Variants in ZNF385D observed in about 807,000 individuals in gnomAD.
ZNF385D encodes the protein zinc finger protein 385D, also known as zinc finger protein 659.
In ZNF385D, 15 loss-of-function variants were observed where a neutral mutation model predicts 35.8. The observed-to-expected ratio is 0.42, with a 90% CI of 0.28 to 0.64. The LOEUF (loss-of-function observed/expected upper bound fraction) is 0.64, where lower values mean the gene tolerates loss of function less well. Among genes scored for constraint, ZNF385D ranks in the 30% least tolerant of loss-of-function variants. The pLI, the probability that ZNF385D is intolerant of heterozygous loss-of-function variation, is 0.23. For synonymous variants in ZNF385D, 212 were observed against 186.8 expected (o/e 1.13, Z -1.10); for missense variants, 474 against 494.6 (o/e 0.96, Z 0.39).
chr3:21,955,883 A>C (rs1017384555), intron 3 of ZNF385D, among the ~76,000 whole-genome samples: 1 of 152,124 alleles, frequency 6.6e-6, no homozygotes, highest in South Asian at 2.1e-4. Flanking sequence ...TTTCACAAGT[A>C]GGTAAGAACC....
At chr3:21,587,351 A>G (rs2063841488) in intron 2 of ZNF385D, among the ~76,000 whole-genome samples, 1 of 152,188 alleles carries the variant, frequency 6.6e-6, no homozygotes, top group Non-Finnish European at 1.5e-5. Flanking sequence ...GACATAATTC[A>G]GCCTGTAGCA....
At chr3:21,722,261 A>C (rs891956549) in intron 1 of ZNF385D, among the ~76,000 whole-genome samples, 1 of 152,190 alleles carries the variant, frequency 6.6e-6, no homozygotes, top group Non-Finnish European at 1.5e-5. Flanking sequence ...CCTGTGGTTG[A>C]GTAAAATAGC....
At chr3:21,494,242 A>G (rs1456664393) in intron 4 of ZNF385D, among the ~76,000 whole-genome samples, 2 of 152,160 alleles carry the variant, frequency 1.3e-5, no homozygotes, top group South Asian at 2.1e-4. Flanking sequence ...CCTTGACCTT[A>G]TCTTCTCTTA....
chr3:21,629,865 T>C (rs1419470839), intron 2 of ZNF385D, among the ~76,000 whole-genome samples: 3 of 152,134 alleles, frequency 2.0e-5, no homozygotes, highest in African/African-American at 4.8e-5. Context: ...TTAATGGAAT[T>C]GTATTCTGAC....
In ZNF385D at chr3:21,767,678, TGGGG is replaced by T. The variant is rs138345139; in HGVS notation, c.326-102654_326-102651del. 3.7e-3 allele frequency among the ~76,000 whole-genome samples: 560 copies of T among 150,966 alleles called. 7 individuals carry two copies. Among genetic ancestry groups the T allele is most frequent in the African/African-American group, 0.013 (523 of 41,064 alleles). On this transcript the variant is annotated intron_variant, in intron 3 of 5. Transcript: ENST00000494108. ...GTGGTGAATGGGAAGAGAGTTAAGG[TGGGG>T]GGTGGGAGAGGAAGAGAGGGTAGAG... is the stretch of plus-strand genomic sequence containing the variant.
At chr3:22,310,804 A>G (rs913860340) in intron 2 of ZNF385D, among the ~76,000 whole-genome samples, 1 of 151,782 alleles carries the variant, frequency 6.6e-6, no homozygotes, top group Admixed American at 6.6e-5. Context: ...TTTACTTCCC[A>G]TTTTTCTATT....
chr3:21,758,901 T>C (rs939005396), intron 3 of ZNF385D, among the ~76,000 whole-genome samples: 1 of 138,266 alleles, frequency 7.2e-6, no homozygotes, highest in African/African-American at 2.7e-5. Context: ...GTCATAACTT[T>C]GGTAGTCCCA....
At chr3:21,995,912 G>T (rs142258343) in intron 3 of ZNF385D, among the ~76,000 whole-genome samples, 1 of 152,034 alleles carries the variant, frequency 6.6e-6, no homozygotes, top group Non-Finnish European at 1.5e-5. Context: ...GTGCTACATT[G>T]TCTATACCTT....
At chr3:22,270,873 A>C (rs575159754) in intron 2 of ZNF385D, among the ~76,000 whole-genome samples, 16 of 152,164 alleles carry the variant, frequency 1.1e-4, no homozygotes, top group Admixed American at 9.8e-4. Flanking sequence ...GCCCTTTGCA[A>C]TTCTGAAATA....
intron 2 of ZNF385D, among the ~76,000 whole-genome samples, chr3:22,226,591 TTAC>T (rs1698570403): frequency 6.6e-6 from 1 of 152,210 alleles, no homozygotes. Context: ...GTGATTAAAC[TTAC>T]CAGGCAGAAC....
rs529869068 is a variant in ZNF385D, at chr3:21,688,961, G to A, written c.23-23933C>T. On this transcript the variant is annotated intron_variant, in intron 1 of 7. Coordinates refer to ENST00000281523, the MANE Select transcript of ZNF385D (RefSeq NM_024697.3). ...ACAGTCCTTAACCAAGAAGATTGCC[G>A]TCTAGTTAAATACATAAGCCAAGAA... Among the ~76,000 whole-genome samples the A allele has an allele frequency of 3.1e-3, 477 of 152,046 alleles. 2 individuals are homozygous for A. Among genetic ancestry groups the A allele is most frequent in the African/African-American group, 0.011 (460 of 41,478 alleles).
At chr3:22,040,595 A>T (rs1334624610) in intron 3 of ZNF385D, among the ~76,000 whole-genome samples, 2 of 152,192 alleles carry the variant, frequency 1.3e-5, no homozygotes, top group Non-Finnish European at 2.9e-5. Context: ...AGGTTATTAA[A>T]TGTGTAGTCT....
intron 2 of ZNF385D, among the ~76,000 whole-genome samples, chr3:22,237,640 A>G (rs1384755394): frequency 1.3e-5 from 2 of 151,756 alleles, no homozygotes; most frequent in Non-Finnish European, 2.9e-5. Flanking sequence ...TTTGCTCTTA[A>G]ATTTAGACCT....
chr3:22,126,263 A>G (rs1158416377), intron 3 of ZNF385D, among the ~76,000 whole-genome samples: 1 of 148,644 alleles, frequency 6.7e-6, no homozygotes, highest in African/African-American at 2.5e-5. Context: ...AATAAATCCC[A>G]CATTGTGGGA....
At chr3:22,196,213 G>C (rs143606412) in intron 2 of ZNF385D, among the ~76,000 whole-genome samples, 2 of 151,990 alleles carry the variant, frequency 1.3e-5, no homozygotes, top group Admixed American at 6.6e-5. Context: ...TAATCGAATA[G>C]GTGGAAAACA....
chr3:21,825,889 C>T (rs368340657), intron 3 of ZNF385D, among the ~76,000 whole-genome samples: 1 of 152,172 alleles, frequency 6.6e-6, no homozygotes, highest in Non-Finnish European at 1.5e-5. Context: ...GCCTGAGCTC[C>T]GCTCCTTTCC....
At chr3:21,526,283 C>T (rs1417961001) in intron 3 of ZNF385D, among the ~76,000 whole-genome samples, 1 of 151,956 alleles carries the variant, frequency 6.6e-6, no homozygotes, top group Non-Finnish European at 1.5e-5. Flanking sequence ...TTCACCTTTG[C>T]AGGGCTGGTC....
intron 3 of ZNF385D, among the ~76,000 whole-genome samples, chr3:21,966,040 T>A (rs1395734558): frequency 6.6e-6 from 1 of 152,192 alleles, no homozygotes; most frequent in Non-Finnish European, 1.5e-5. Flanking sequence ...GTATTCATTT[T>A]CTTCTTTCCT....
rs577727040 is a variant in ZNF385D at position 21,972,553 on chromosome 3, C to T, written c.325+196264G>A. On this transcript the variant is annotated intron_variant, in intron 3 of 5. Coordinates refer to the ZNF385D transcript ENST00000494108. Reference sequence around the variant, plus strand: ...AGAAGATCAAGAACAAATCAAACCACAAGTTACAAGAATAGGAATAATGAA... The same window carrying T: ...AGAAGATCAAGAACAAATCAAACCATAAGTTACAAGAATAGGAATAATGAA... Among the ~76,000 whole-genome samples the T allele has an allele frequency of 9.0e-4, 137 of 151,736 alleles. 1 individual carries two copies. Among genetic ancestry groups the T allele is most frequent in the Non-Finnish European group, 1.6e-3 (107 of 67,722 alleles).
Sources: gnomAD v4.1 joint callset for allele counts (sites outside exome capture counted in the v4.1 genomes callset) on GRCh38, gnomAD v4.1.1 for gene constraint, MANE v1.5 for transcripts, NCBI Gene and HGNC (gene_info 2026-07-23, HGNC 2026-07-21) for gene names.